The following BST1 variants were observed in gnomAD, a reference collection of about 807,000 sequenced individuals.
The protein encoded by BST1 is bone marrow stromal cell antigen 1.
BST1 carries 49 observed loss-of-function variants against 40.6 expected under a neutral mutation model. The ratio of observed to expected loss-of-function variants is 1.21; its 90% CI spans 0.96 to 1.53. The LOEUF (loss-of-function observed/expected upper bound fraction) is 1.53, where lower values mean the gene tolerates loss of function less well. Among genes scored for constraint, BST1 ranks in the 40% most tolerant of loss-of-function variants. BST1 has a pLI of 0.00. For missense variants in BST1, 423 were observed against 395.9 expected (o/e 1.07, Z -0.58); for synonymous variants, 157 against 159.3 (o/e 0.99, Z 0.11).
chr4:15,762,565 T>A, the BST1 span, among the ~76,000 whole-genome samples: 1 of 152,048 alleles, frequency 6.6e-6, no homozygotes, highest in African/African-American at 2.4e-5. Flanking sequence ...TAACTGAAAG[T>A]TTGTACTTTT....
chr4:15,770,928 G>C, the BST1 span, among the ~76,000 whole-genome samples: 2 of 152,144 alleles, frequency 1.3e-5, no homozygotes, highest in Non-Finnish European at 2.9e-5. Flanking sequence ...CTTCAGAGAA[G>C]CTTTACTATT....
downstream of BST1, among the ~76,000 whole-genome samples, chr4:15,736,704 C>T (rs951541010): frequency 6.6e-6 from 1 of 152,186 alleles, no homozygotes; most frequent in East Asian, 1.9e-4. Context: ...CTGCACTCTC[C>T]ATGAACCTTC....
the BST1 span, among the ~76,000 whole-genome samples, chr4:15,750,399 CAACAT>C: frequency 6.6e-6 from 1 of 152,188 alleles, no homozygotes; most frequent in African/African-American, 2.4e-5. Context: ...TTATTTCACT[CAACAT>C]AAGCAAAGAG....
rs1560281168 is a variant in BST1, at chr4:15,715,310, T to A, written c.560T>A (p.Ile187Asn). 1 of 1,614,150 alleles carries A rather than the reference T, an allele frequency of 6.2e-7. No individual in the cohort carries two copies. The highest frequency in any genetic ancestry group is 8.5e-7 in the Non-Finnish European group (1 of 1,179,992). ...IQYSKDSSGV[I>N]HVMLNGSEPT... ...TATTCCAAGGATAGTTCTGGGGTGA[T>A]CCACGTCATGCTGAATGGTTCAGAG... is the stretch of plus-strand genomic sequence containing the variant. The change falls in exon 5 of 9, where the codon ATC becomes AAC. Residue 187 changes from isoleucine (I) to asparagine (N), a missense_variant. Physicochemically the swap from Ile to Asn is moderately radical, Grantham distance 149. Coordinates refer to ENST00000265016, the MANE Select transcript of BST1 (RefSeq NM_004334.3).
At chr4:15,764,179 A>G in the BST1 span, among the ~76,000 whole-genome samples, 6 of 152,088 alleles carry the variant, frequency 3.9e-5, no homozygotes, top group Non-Finnish European at 5.9e-5. Flanking sequence ...AACATTCTGT[A>G]TTTTCTGCTG....
At chr4:15,733,608 G>A (rs11939641), downstream of BST1, among the ~76,000 whole-genome samples, 5,240 of 152,286 alleles carry the variant, frequency 0.034, 304 homozygotes, top group African/African-American at 0.12. Context: ...GGAGGCCTCA[G>A]GAAACTTACG....
the BST1 span, among the ~76,000 whole-genome samples, chr4:15,767,641 A>G: frequency 2.0e-5 from 3 of 150,802 alleles, no homozygotes; most frequent in Non-Finnish European, 4.4e-5. Context: ...TAAAAATCAG[A>G]ATTTTGTTTT....
the BST1 span, among the ~76,000 whole-genome samples, chr4:15,767,600 G>A: frequency 4.4e-5 from 6 of 135,532 alleles, no homozygotes; most frequent in Non-Finnish European, 9.5e-5. Context: ...ACCGTGCCCG[G>A]CCCTACTTTT....
chr4:15,734,155 G>C (rs1298006452), downstream of BST1, among the ~76,000 whole-genome samples: 2 of 152,158 alleles, frequency 1.3e-5, no homozygotes, highest in Admixed American at 6.5e-5. Context: ...TAGTAGCGGA[G>C]AGCAGACCAG....
chr4:15,759,231 A>G, the BST1 span, among the ~76,000 whole-genome samples: 5 of 152,014 alleles, frequency 3.3e-5, 1 homozygote, highest in Non-Finnish European at 5.9e-5. Context: ...CTGGTCCACT[A>G]TGGAGCCCAC....
At chr4:15,739,834 T>G (rs758290989), downstream of BST1, among the ~76,000 whole-genome samples, 6 of 151,732 alleles carry the variant, frequency 4.0e-5, no homozygotes, top group Non-Finnish European at 7.4e-5. Context: ...CCATTGCTGC[T>G]AGTAATAAAA....
At chr4:15,761,619 T>G in the BST1 span, among the ~76,000 whole-genome samples, 1 of 152,052 alleles carries the variant, frequency 6.6e-6, no homozygotes, top group Non-Finnish European at 1.5e-5. Flanking sequence ...CAATTCACCA[T>G]TCTCTCACTT....
At chr4:15,758,254 C>T in the BST1 span, among the ~76,000 whole-genome samples, 3 of 152,236 alleles carry the variant, frequency 2.0e-5, no homozygotes, top group East Asian at 5.8e-4. Flanking sequence ...AGGTAGTGAG[C>T]ATAGTACCTG....
downstream of BST1, among the ~76,000 whole-genome samples, chr4:15,735,674 A>T (rs2148899133): frequency 6.6e-6 from 1 of 152,322 alleles, no homozygotes; most frequent in African/African-American, 2.4e-5. Flanking sequence ...GGTTTGTCTC[A>T]GGACCGTCTG....
rs1417946432 is a variant in BST1, at chr4:15,715,311, C to G, written c.561C>G (p.Ile187Met). Residue 187 changes from isoleucine to methionine, a missense_variant, in exon 5 of 9, where the codon ATC (isoleucine) becomes ATG (methionine). By Grantham distance (10) the Ile-to-Met change is conservative. Coordinates refer to ENST00000265016, the MANE Select transcript of BST1 (RefSeq NM_004334.3). ...IQYSKDSSGV[I>M]HVMLNGSEPT... ...ATTCCAAGGATAGTTCTGGGGTGAT[C>G]CACGTCATGCTGAATGGTTCAGAGC... 2 of 1,614,112 alleles carry G rather than the reference C, an allele frequency of 1.2e-6. No individual in the cohort carries two copies. Among genetic ancestry groups the G allele is most frequent in the Non-Finnish European group, 1.7e-6 (2 of 1,179,992 alleles).
At chr4:15,707,846 T>TCTCTCTCTCC (rs1243517734) in intron 3 of BST1, among the ~76,000 whole-genome samples, 200 bp downstream of exon 3, 1 of 109,580 alleles carries the variant, frequency 9.1e-6, no homozygotes. Flanking sequence ...TCTCTCTCTC[T>TCTCTCTCTCC]CTCTCTCTCT....
the BST1 span, among the ~76,000 whole-genome samples, chr4:15,774,106 G>A: frequency 6.6e-6 from 1 of 152,152 alleles, no homozygotes; most frequent in Non-Finnish European, 1.5e-5. Flanking sequence ...TATAAAAACA[G>A]GAAAATTGGA....
downstream of BST1, among the ~76,000 whole-genome samples, chr4:15,735,025 G>T (rs748516150): frequency 2.0e-5 from 3 of 152,178 alleles, no homozygotes; most frequent in Non-Finnish European, 4.4e-5. Flanking sequence ...CTTACAGAAG[G>T]TGTGCTCAGC....
chr4:15,715,436 A>G, intron 5 of BST1, 75 bp downstream of exon 5: 1 of 1,469,418 alleles, frequency 6.8e-7, no homozygotes, highest in Non-Finnish European at 9.4e-7. Flanking sequence ...TAGAGGCTAA[A>G]GAAAATTATC....
Sources: gnomAD v4.1 joint callset for allele counts (sites outside exome capture counted in the v4.1 genomes callset) on GRCh38, gnomAD v4.1.1 for gene constraint, MANE v1.5 for transcripts, NCBI Gene and HGNC (gene_info 2026-07-23, HGNC 2026-07-21) for gene names.